The following ESRRG variants were observed in gnomAD, a reference collection of about 807,000 sequenced individuals.
The protein encoded by ESRRG is estrogen-related receptor gamma.
In ESRRG, 13 loss-of-function variants were observed where a neutral mutation model predicts 44.0. The observed-to-expected ratio is 0.30, with a 90% CI of 0.19 to 0.47. ESRRG has a LOEUF of 0.47. ESRRG is among the 20% of genes least tolerant of loss of function. The probability of loss-of-function intolerance (pLI) is 1.00; values close to 1 mark genes in which losing one functional copy is unlikely to be tolerated. For synonymous variants in ESRRG, 215 were observed against 214.6 expected, an observed-to-expected ratio of 1.00 and a Z score of -0.02; for missense variants, 395 against 580.6, an observed-to-expected ratio of 0.68 and a Z score of 3.29.
At chr1:216,508,021 A>C (rs2041667381) in intron 6 of ESRRG, among the ~76,000 whole-genome samples, 1 of 152,228 alleles carries the variant, frequency 6.6e-6, no homozygotes, top group Admixed American at 6.5e-5. Context: ...TGAATCATTT[A>C]GCACGTTTTA....
In ESRRG at chr1:216,985,549, T is replaced by C. The variant is rs1253832484; in HGVS notation, c.-105-45876A>G. Among the ~76,000 whole-genome samples, 4 of 152,208 alleles carry C rather than the reference T, an allele frequency of 2.6e-5. No individual in the cohort carries two copies. The East Asian group carries it at 7.7e-4, about 29-fold the overall frequency. ...TTGATGTTAATGGTATGATTTTTAT[T>C]TTCAGTTAGGAAGTTGCTTTCCCAT... On this transcript the variant is annotated intron_variant, in intron 1 of 7. Coordinates refer to the ESRRG transcript ENST00000359162.
At chr1:216,955,940 A>G (rs930414940) in intron 1 of ESRRG, among the ~76,000 whole-genome samples, 1 of 152,028 alleles carries the variant, frequency 6.6e-6, no homozygotes, top group African/African-American at 2.4e-5. Flanking sequence ...TGTATTCTGG[A>G]TATTGGTCCC....
intron 1 of ESRRG, among the ~76,000 whole-genome samples, chr1:217,105,200 C>T (rs1352671868): frequency 6.6e-6 from 1 of 152,160 alleles, no homozygotes; most frequent in East Asian, 1.9e-4. Context: ...GGTATCCTAA[C>T]TTCAATAACT....
chr1:216,596,713 C>T (rs139187546), intron 3 of ESRRG, among the ~76,000 whole-genome samples: 95 of 152,228 alleles, frequency 6.2e-4, no homozygotes, highest in African/African-American at 1.7e-3. Flanking sequence ...CAGTCAATTT[C>T]GAAATAAGTG....
chr1:216,634,723 A>G (rs1473203383), intron 3 of ESRRG, among the ~76,000 whole-genome samples: 1 of 152,142 alleles, frequency 6.6e-6, no homozygotes, highest in East Asian at 1.9e-4. Context: ...TGGTGAAGGG[A>G]CAGACAGGGG....
chr1:217,059,060 T>C (rs939270252), intron 1 of ESRRG, among the ~76,000 whole-genome samples: 1 of 148,902 alleles, frequency 6.7e-6, no homozygotes, highest in Non-Finnish European at 1.5e-5. Context: ...TATAGTATAC[T>C]ATATAATAAT....
intron 1 of ESRRG, among the ~76,000 whole-genome samples, chr1:217,086,802 G>A (rs188926091): frequency 2.0e-5 from 3 of 152,118 alleles, no homozygotes; most frequent in African/African-American, 7.2e-5. Context: ...CCCTTTACTA[G>A]GATAATGACA....
chr1:216,769,672 G>C (rs946472), intron 2 of ESRRG, among the ~76,000 whole-genome samples: 120,932 of 152,048 alleles, frequency 0.8, 48,369 homozygotes, highest in African/African-American at 0.88. Context: ...TCTTCTATTA[G>C]AGGTAGGCAC....
chr1:216,507,610 G>A (rs2148714541), intron 6 of ESRRG, among the ~76,000 whole-genome samples: 1 of 152,190 alleles, frequency 6.6e-6, no homozygotes, highest in Non-Finnish European at 1.5e-5. Flanking sequence ...GATCTTGCCT[G>A]GAAAAGCCAA....
At chr1:216,960,152 CCCTT>C (rs759850029) in intron 1 of ESRRG, among the ~76,000 whole-genome samples, 4 of 151,914 alleles carry the variant, frequency 2.6e-5, no homozygotes, top group Non-Finnish European at 5.9e-5. Flanking sequence ...AAAATCTAGT[CCCTT>C]CCAATGCTTT....
chr1:216,700,421 C>T (rs1281766199), intron 1 of ESRRG, among the ~76,000 whole-genome samples: 2 of 152,148 alleles, frequency 1.3e-5, no homozygotes, highest in African/African-American at 2.4e-5. Context: ...TCAGCTCATT[C>T]AGTTGATTTA....
intron 1 of ESRRG, among the ~76,000 whole-genome samples, chr1:217,034,908 C>T: frequency 6.6e-6 from 1 of 152,138 alleles, no homozygotes; most frequent in East Asian, 1.9e-4. Context: ...GGATTTCCTG[C>T]ATTGCATGGA....
At chr1:216,657,837 G>C (rs1049406330) in intron 2 of ESRRG, among the ~76,000 whole-genome samples, 7 of 152,072 alleles carry the variant, frequency 4.6e-5, no homozygotes, top group African/African-American at 1.4e-4. Context: ...AAAATGAGGT[G>C]GGGGAGAGGA....
At chr1:216,983,105 C>A (rs541418136) in intron 1 of ESRRG, among the ~76,000 whole-genome samples, 3 of 149,346 alleles carry the variant, frequency 2.0e-5, no homozygotes, top group African/African-American at 7.4e-5. Flanking sequence ...CTACTACATA[C>A]CTGATGTGTA....
chr1:217,048,459 G>A (rs1486733097), intron 1 of ESRRG, among the ~76,000 whole-genome samples: 1 of 152,156 alleles, frequency 6.6e-6, no homozygotes, highest in African/African-American at 2.4e-5. Flanking sequence ...GAGTTCAACT[G>A]CAAATGGAGG....
At chr1:216,718,512 C>A (rs542484099) in intron 1 of ESRRG, among the ~76,000 whole-genome samples, 4 of 151,864 alleles carry the variant, frequency 2.6e-5, no homozygotes, top group Admixed American at 6.6e-5. Flanking sequence ...GATTGTCAAG[C>A]AGCAGAGATG....
chr1:216,721,049 C>A (rs1421873451), intron 1 of ESRRG, among the ~76,000 whole-genome samples: 1 of 152,176 alleles, frequency 6.6e-6, no homozygotes, highest in Non-Finnish European at 1.5e-5. Flanking sequence ...TCAAAATGAG[C>A]AGATATATTA....
chr1:216,920,202 T>G (rs1043460654), intron 2 of ESRRG, among the ~76,000 whole-genome samples: 1 of 152,194 alleles, frequency 6.6e-6, no homozygotes, highest in Non-Finnish European at 1.5e-5. Flanking sequence ...GTCAAAATTC[T>G]AAAGATTGTG....
rs146680148 is a variant in ESRRG, at chr1:216,731,078, A to G, written c.-13-53587T>C. On this transcript the variant is annotated intron_variant, in intron 2 of 7. Coordinates refer to the ESRRG transcript ENST00000359162. ...ACCCTTCCCAGGGTAACATGGAAAC[A>G]TATTCTCATTTAATCTGACAGCAAG... Among the ~76,000 whole-genome samples, 661 of 152,372 alleles carry G rather than the reference A, an allele frequency of 4.3e-3. 4 individuals are homozygous for G. The highest frequency in any genetic ancestry group is 0.014 in the African/African-American group (597 of 41,592).
Sources: allele counts gnomAD v4.1 joint callset (sites outside exome capture counted in the v4.1 genomes callset), GRCh38; gene constraint gnomAD v4.1.1; transcripts MANE v1.5; gene names NCBI Gene and HGNC (gene_info 2026-07-23, HGNC 2026-07-21).